Variants in C13orf42 observed in about 807,000 individuals in gnomAD.
The protein encoded by C13orf42 is chromosome 13 open reading frame 42.
chr13:51,110,717 G>C (rs1428296411), intron 1 of C13orf42, 79 bp downstream of exon 1: 1 of 397,640 alleles, frequency 2.5e-6, no homozygotes, highest in African/African-American at 2.1e-5. Flanking sequence ...CCATGCAGAG[G>C]TAGGAAGAAG....
At chr13:51,141,823 A>G (rs144476666) in intron 1 of C13orf42, among the ~76,000 whole-genome samples, 35 of 152,312 alleles carry the variant, frequency 2.3e-4, no homozygotes, top group Middle Eastern at 3.4e-3. Context: ...AAATTAGATA[A>G]TAAGAAAGAA....
chr13:51,150,332 G>A (rs149560483), intron 1 of C13orf42, among the ~76,000 whole-genome samples: 1 of 152,262 alleles, frequency 6.6e-6, no homozygotes, highest in East Asian at 1.9e-4. Context: ...AGCCACCAGC[G>A]TATCCTACTG....
rs1239431244 is a variant in C13orf42, at chr13:51,160,205, G to C, written n.136+12048C>G. On this transcript the variant is annotated intron_variant and non_coding_transcript_variant, in intron 1 of 4. Transcript: ENST00000433280. ...GTCACACAGTGTGGGGTGACACAATGCCAATGTTTAGAAATTTGATTTGTG... is the reference window on the plus strand; with the variant it reads ...GTCACACAGTGTGGGGTGACACAATCCCAATGTTTAGAAATTTGATTTGTG... 2.0e-5 allele frequency among the ~76,000 whole-genome samples: 3 copies of C among 152,206 alleles called. No homozygotes were observed. The East Asian group carries it at 5.8e-4, about 29-fold the overall frequency.
rs982624015 is a variant in C13orf42 at position 51,104,018 on chromosome 13, T to G, written c.414+6778A>C. On this transcript the variant is annotated intron_variant, in intron 1 of 3. Coordinates refer to ENST00000563710, the MANE Select transcript of C13orf42 (RefSeq NM_001351589.3). ...CACTGCATTGTACGCTTTAAAATAG[T>G]TAAAATGGTAATATTAAAATATTTT... is the stretch of plus-strand genomic sequence containing the variant. 3.5e-4 allele frequency among the ~76,000 whole-genome samples: 54 copies of G among 152,346 alleles called. 1 individual carries two copies. Among genetic ancestry groups the G allele is most frequent in the African/African-American group, 1.3e-3 (53 of 41,578 alleles).
chr13:51,138,391 C>G (rs543607043), intron 1 of C13orf42, among the ~76,000 whole-genome samples: 1 of 152,044 alleles, frequency 6.6e-6, no homozygotes, highest in Non-Finnish European at 1.5e-5. Context: ...AACCTAATAA[C>G]CTAATTTTAA....
At chr13:51,128,689 T>G (rs1953593406) in intron 1 of C13orf42, among the ~76,000 whole-genome samples, 1 of 152,224 alleles carries the variant, frequency 6.6e-6, no homozygotes. Flanking sequence ...CTATGGGATG[T>G]TAACTGCTAT....
intron 1 of C13orf42, among the ~76,000 whole-genome samples, chr13:51,150,222 T>A (rs1322953540): frequency 6.6e-6 from 1 of 152,216 alleles, no homozygotes; most frequent in Non-Finnish European, 1.5e-5. Context: ...TCTCCAGAAT[T>A]GGGGATATTT....
At chr13:51,131,103 C>A (rs925290816) in intron 1 of C13orf42, among the ~76,000 whole-genome samples, 1 of 152,268 alleles carries the variant, frequency 6.6e-6, no homozygotes, top group South Asian at 2.1e-4. Context: ...TCGCTTAAAA[C>A]CGTGCTGATC....
intron 1 of C13orf42, among the ~76,000 whole-genome samples, chr13:51,154,467 G>A (rs781169846): frequency 2.0e-5 from 3 of 152,166 alleles, no homozygotes; most frequent in South Asian, 2.1e-4. Context: ...GTTAGGGTGC[G>A]TATGAATCAC....
chr13:51,087,417 A>G (rs1953139724), intron 2 of C13orf42, among the ~76,000 whole-genome samples: 1 of 152,184 alleles, frequency 6.6e-6, no homozygotes, highest in Non-Finnish European at 1.5e-5. Context: ...GTTGTGGTGA[A>G]GTGTACAGAA....
At chr13:51,111,309 C>T, upstream of C13orf42, 1 of 397,540 alleles carries the variant, frequency 2.5e-6, no homozygotes, top group Non-Finnish European at 4.4e-6. Flanking sequence ...CTCGCACCAT[C>T]TGCCTTCCAG....
At chr13:51,125,043 T>C (rs1232054754) in intron 1 of C13orf42, among the ~76,000 whole-genome samples, 5 of 152,204 alleles carry the variant, frequency 3.3e-5, no homozygotes, top group Non-Finnish European at 7.3e-5. Flanking sequence ...GTTTTTCTTC[T>C]CAAGTCTTAG....
intron 1 of C13orf42, among the ~76,000 whole-genome samples, chr13:51,158,205 T>C (rs1259589909): frequency 6.6e-6 from 1 of 152,184 alleles, no homozygotes; most frequent in Non-Finnish European, 1.5e-5. Context: ...TGAACCATCT[T>C]TGTCAGATTC....
chr13:51,117,239 CT>C (rs1269763536), intron 1 of C13orf42, among the ~76,000 whole-genome samples: 1 of 152,150 alleles, frequency 6.6e-6, no homozygotes, highest in Non-Finnish European at 1.5e-5. Flanking sequence ...ACTATATATC[CT>C]AGTCAGTTTA....
chr13:51,125,379 A>G (rs1347475251), intron 1 of C13orf42, among the ~76,000 whole-genome samples: 1 of 152,134 alleles, frequency 6.6e-6, no homozygotes, highest in African/African-American at 2.4e-5. Flanking sequence ...CACATCAAAT[A>G]TTGGTGCCTG....
At chr13:51,163,917 G>C (rs553436643) in intron 1 of C13orf42, among the ~76,000 whole-genome samples, 2 of 152,220 alleles carry the variant, frequency 1.3e-5, no homozygotes, top group South Asian at 4.2e-4. Context: ...ATAAGAACAG[G>C]AGAATGAAGG....
At chr13:51,142,350 C>A (rs1243766551) in intron 1 of C13orf42, among the ~76,000 whole-genome samples, 6 of 151,940 alleles carry the variant, frequency 3.9e-5, no homozygotes, top group African/African-American at 9.7e-5. Flanking sequence ...TAGGTGAAAT[C>A]TTTTTTTTAC....
intron 1 of C13orf42, among the ~76,000 whole-genome samples, chr13:51,136,060 A>G (rs1238150638): frequency 1.3e-5 from 2 of 152,060 alleles, no homozygotes; most frequent in African/African-American, 4.8e-5. Context: ...TAAGAGTCCC[A>G]TCCATCCGCA....
chr13:51,103,573 C>T (rs752338842), intron 1 of C13orf42, among the ~76,000 whole-genome samples: 1 of 152,028 alleles, frequency 6.6e-6, no homozygotes, highest in Non-Finnish European at 1.5e-5. Flanking sequence ...TGGTGGTGAG[C>T]GCCTGTAGTC....
Sources: gnomAD v4.1 joint callset for allele counts (sites outside exome capture counted in the v4.1 genomes callset) on GRCh38, gnomAD v4.1.1 for gene constraint, MANE v1.5 for transcripts, NCBI Gene and HGNC (gene_info 2026-07-23, HGNC 2026-07-21) for gene names.